Variants in HERC1 observed in about 807,000 individuals in gnomAD.
HERC1 encodes the protein HECT and RLD domain containing E3 ubiquitin protein ligase family member 1, also known as probable E3 ubiquitin-protein ligase HERC1.
In HERC1, 160 loss-of-function variants were observed where a neutral mutation model predicts 554.3. The observed-to-expected ratio is 0.29, with a 90% CI of 0.25 to 0.33. The LOEUF (loss-of-function observed/expected upper bound fraction) is 0.33, where lower values mean the gene tolerates loss of function less well. Ranked by LOEUF, HERC1 falls within the 10% of genes least tolerant of loss-of-function variation. The probability of loss-of-function intolerance (pLI) is 1.00; values close to 1 mark genes in which losing one functional copy is unlikely to be tolerated. For synonymous variants in HERC1, 2,175 were observed against 2,131.7 expected (o/e 1.02, Z -0.56); for missense variants, 4,919 against 5,918.5 (o/e 0.83, Z 5.54).
chr15:63,787,387 C>T lies in HERC1; in HGVS notation c.-26-11738G>A, dbSNP rs1307107140. On this transcript the variant is annotated intron_variant, in intron 1 of 77. Coordinates refer to ENST00000443617, the MANE Select transcript of HERC1 (RefSeq NM_003922.4). ...GGCTAGGCTGGTCTCAAACGCCTGA[C>T]CTCAGGTGATCCACCTGCCTCAGCC... Among the ~76,000 whole-genome samples the T allele has an allele frequency of 2.0e-5, 3 of 151,762 alleles. No homozygotes were observed. The East Asian group carries it at 5.8e-4, about 29-fold the overall frequency.
At chr15:63,742,813 T>C (rs1174280964) in intron 12 of HERC1, among the ~76,000 whole-genome samples, 10 of 152,208 alleles carry the variant, frequency 6.6e-5, no homozygotes, top group Admixed American at 6.5e-4. Flanking sequence ...CATTTGGTCA[T>C]GGGGTACAAT....
rs749171208 is a variant in HERC1, at chr15:63,632,843, T to A, written c.12694-32A>T. Reference sequence around the variant, plus strand: ...AATAAAAGTGTAAGGCACACAACTTTAAGAAGAAAAAAAATCACTCTTGAA... The same window carrying A: ...AATAAAAGTGTAAGGCACACAACTTAAAGAAGAAAAAAAATCACTCTTGAA... On this transcript the variant is annotated intron_variant, in intron 67 of 77. Coordinates refer to ENST00000443617, the MANE Select transcript of HERC1 (RefSeq NM_003922.4). The A allele has an allele frequency of 3.5e-6, 5 of 1,420,864 alleles. No individual in the cohort carries two copies. In the East Asian group the frequency reaches 1.2e-4, roughly 35 times the overall value. 88.0% of individuals were successfully genotyped at this position (1,420,864 alleles called of 1,614,324 possible).
At position 63,668,738 on chromosome 15, in the gene HERC1, A is replaced by G. The variant is rs561958880; in HGVS notation, c.8206+800T>C. On this transcript the variant is annotated intron_variant, in intron 40 of 77. Coordinates refer to ENST00000443617, the MANE Select transcript of HERC1 (RefSeq NM_003922.4). ...TCATTAAAAGAACGTAAGAATCCTA[A>G]ATGTTTATGAACCTAAAGACAGAGC... Among the ~76,000 whole-genome samples the G allele has an allele frequency of 2.6e-5, 4 of 152,378 alleles. No individual in the cohort carries two copies. The East Asian group carries it at 7.7e-4, about 29-fold the overall frequency.
intron 2 of HERC1, 89 bp downstream of exon 2, chr15:63,774,605 C>T (rs2076063945): frequency 5.3e-6 from 5 of 937,124 alleles, no homozygotes; most frequent in Non-Finnish European, 7.9e-6. Flanking sequence ...AGTCTCAAAT[C>T]ATTCACTATT....
At chr15:63,752,367 T>A (rs1026127433) in intron 8 of HERC1, 3 of 152,238 alleles carry the variant, frequency 2.0e-5, no homozygotes, top group Non-Finnish European at 2.9e-5. Flanking sequence ...TGTCAGTCTA[T>A]AATTATACCT....
intron 1 of HERC1, 78 bp downstream of exon 1, chr15:63,833,749 G>GCACACACACACACACA (rs1206350552): frequency 7.0e-5 from 2 of 28,472 alleles, no homozygotes; most frequent in African/African-American, 2.6e-4. Context: ...ACACACGCGC[G>GCACACACACACACACA]CGCGCACACA....
intron 74 of HERC1, among the ~76,000 whole-genome samples, chr15:63,618,031 T>C: frequency 6.6e-6 from 1 of 152,152 alleles, no homozygotes; most frequent in Admixed American, 6.5e-5. Context: ...TTGTCAATTT[T>C]GGCTTTTGTT....
At chr15:63,661,591 T>C (rs1448936217) in intron 45 of HERC1, among the ~76,000 whole-genome samples, 162 bp downstream of exon 45, 2 of 152,280 alleles carry the variant, frequency 1.3e-5, no homozygotes, top group Middle Eastern at 3.4e-3. Flanking sequence ...CCTGGGAACA[T>C]GAATTTCTGA....
rs2072173920 is a variant in HERC1 at position 63,692,664 on chromosome 15, A to G, written c.5675-98T>C. ...TTGAAACTGCAGTAAGCACAAATCT[A>G]ATGCAAAATCTTAGGCTGTCAGCTA... is the stretch of plus-strand genomic sequence containing the variant. On this transcript the variant is annotated intron_variant, in intron 30 of 77. Coordinates refer to ENST00000443617, the MANE Select transcript of HERC1 (RefSeq NM_003922.4). The surrounding 1 kb of genome is among the most constrained non-coding windows in gnomAD (Gnocchi z 4.7). 1 of 1,045,194 alleles carries G rather than the reference A, an allele frequency of 9.6e-7. No individual in the cohort carries two copies. The highest frequency in any genetic ancestry group is 1.3e-6 in the Non-Finnish European group (1 of 744,066). The allele number at this position is 1,045,194 out of a possible 1,614,324, so 64.7% of individuals were successfully genotyped here.
At chr15:63,716,018 C>A (rs928798440) in intron 22 of HERC1, among the ~76,000 whole-genome samples, 1 of 152,176 alleles carries the variant, frequency 6.6e-6, no homozygotes, top group South Asian at 2.1e-4. Context: ...ATGGCCCTAT[C>A]TGATGACTCA....
chr15:63,823,234 TATA>T (rs781547380), intron 1 of HERC1, among the ~76,000 whole-genome samples: 3 of 152,036 alleles, frequency 2.0e-5, no homozygotes, highest in African/African-American at 4.8e-5. Flanking sequence ...AGCTCCCACG[TATA>T]AGTGAGAACA....
Position 63,772,507 on chromosome 15 carries a change from A to T in HERC1, c.930+2187T>A, listed in dbSNP as rs553037448. ...CATAAATACATTATTTTATTGTTTT[A>T]ATATATATATATTAAATATATTATT... On this transcript the variant is annotated intron_variant, in intron 2 of 77. Coordinates refer to ENST00000443617, the MANE Select transcript of HERC1 (RefSeq NM_003922.4). 5.8e-3 allele frequency among the ~76,000 whole-genome samples: 873 copies of T among 150,732 alleles called. 10 individuals carry two copies. Among genetic ancestry groups the T allele is most frequent in the African/African-American group, 0.02 (826 of 41,328 alleles).
chr15:63,698,176 G>T, intron 26 of HERC1, among the ~76,000 whole-genome samples: 1 of 152,114 alleles, frequency 6.6e-6, no homozygotes. Flanking sequence ...AGCACTTTGG[G>T]AGGCCGAGGC....
intron 77 of HERC1, 87 bp from the exon 78 acceptor site, chr15:63,609,353 A>C: frequency 8.4e-7 from 1 of 1,187,820 alleles, no homozygotes; most frequent in East Asian, 2.6e-5. Flanking sequence ...CCCTGCCTTC[A>C]AGATGGAATT....
At chr15:63,651,761 G>A (rs1312455440) in intron 52 of HERC1, among the ~76,000 whole-genome samples, 1 of 152,210 alleles carries the variant, frequency 6.6e-6, no homozygotes, top group East Asian at 1.9e-4. Flanking sequence ...AAATGCGGCT[G>A]GGCGTAGTGG....
At position 63,704,900 on chromosome 15, in the gene HERC1, G is replaced by A. The variant is rs141911299; in HGVS notation, c.4636+1880C>T. ...ACTACAGGCGCCCACCACCACGCCC[G>A]GCTAATTTTTTGTATTTTTAGTAGA... is the stretch of plus-strand genomic sequence containing the variant. On this transcript the variant is annotated intron_variant, in intron 25 of 77. Coordinates refer to ENST00000443617, the MANE Select transcript of HERC1 (RefSeq NM_003922.4). Among the ~76,000 whole-genome samples the A allele has an allele frequency of 5.4e-3, 823 of 151,740 alleles. 10 individuals are homozygous for A. Among genetic ancestry groups the A allele is most frequent in the African/African-American group, 0.019 (778 of 41,388 alleles).
At chr15:63,741,531 A>G (rs2074806409) in intron 12 of HERC1, among the ~76,000 whole-genome samples, 1 of 150,682 alleles carries the variant, frequency 6.6e-6, no homozygotes, top group Non-Finnish European at 1.5e-5. Context: ...CTGGTCTTGA[A>G]CTCGACTTCA....
chr15:63,646,817 C>CAAAA (rs778448133), intron 55 of HERC1, among the ~76,000 whole-genome samples: 1 of 103,976 alleles, frequency 9.6e-6, no homozygotes, highest in Admixed American at 9.4e-5. Flanking sequence ...CAGGAAAAAA[C>CAAAA]AAACAAACAA....
chr15:63,723,470 T>C (rs1291200406), intron 18 of HERC1, 115 bp from the exon 19 acceptor site: 1 of 702,058 alleles, frequency 1.4e-6, no homozygotes, highest in Non-Finnish European at 2.3e-6. Flanking sequence ...CCATTTTAAG[T>C]AGATGCTACC....
Sources: gnomAD v4.1 joint callset for allele counts (sites outside exome capture counted in the v4.1 genomes callset) on GRCh38, gnomAD v4.1.1 for gene constraint, Gnocchi (gnomAD v3.1) non-coding constraint, MANE v1.5 for transcripts, NCBI Gene and HGNC (gene_info 2026-07-23, HGNC 2026-07-21) for gene names.